The following TPH2 variants were observed in gnomAD, a reference collection of about 807,000 sequenced individuals.
TPH2 encodes the protein tryptophan 5-hydroxylase 2.
Under a neutral mutation model 59.1 loss-of-function variants are expected in TPH2, and 27 were observed. The observed-to-expected ratio is 0.46, with a 90% CI of 0.34 to 0.63. The LOEUF is 0.63. Ranked by LOEUF, TPH2 falls within the 30% of genes least tolerant of loss-of-function variation. The pLI is 0.01. For missense variants in TPH2, 523 were observed against 588.3 expected (o/e 0.89, Z 1.15); for synonymous variants, 220 against 210.5 (o/e 1.05, Z -0.39).
At chr12:71,970,498 C>G (rs1050092272) in intron 5 of TPH2, among the ~76,000 whole-genome samples, 1 of 152,202 alleles carries the variant, frequency 6.6e-6, no homozygotes, top group Non-Finnish European at 1.5e-5. Flanking sequence ...AAAATTTTGA[C>G]CTAACGATTC....
At chr12:72,022,987 TG>T (rs1405782338) in intron 9 of TPH2, among the ~76,000 whole-genome samples, 1 of 152,252 alleles carries the variant, frequency 6.6e-6, no homozygotes, top group Middle Eastern at 3.2e-3. Context: ...ATAAACAATT[TG>T]GAAAAACAAA....
intron 8 of TPH2, among the ~76,000 whole-genome samples, chr12:72,000,094 A>G (rs1872784487): frequency 6.6e-6 from 1 of 152,300 alleles, no homozygotes; most frequent in East Asian, 1.9e-4. Flanking sequence ...TTTATTTAAA[A>G]CCCATTAATG....
chr12:71,989,813 A>G (rs1475617751), intron 7 of TPH2, among the ~76,000 whole-genome samples: 1 of 152,230 alleles, frequency 6.6e-6, no homozygotes, highest in Non-Finnish European at 1.5e-5. Context: ...GACTGAGTTA[A>G]GAATTTCCCA....
chr12:71,989,599 A>T (rs1872531423), intron 7 of TPH2, among the ~76,000 whole-genome samples: 1 of 152,232 alleles, frequency 6.6e-6, no homozygotes, highest in African/African-American at 2.4e-5. Context: ...CAGATTTTGG[A>T]TGGGAAGCAA....
Position 71,999,289 on chromosome 12 carries a change from G to T in TPH2, c.1068+4724G>T, listed in dbSNP as rs76346097. 5.1e-3 allele frequency among the ~76,000 whole-genome samples: 780 copies of T among 152,310 alleles called. 4 individuals are homozygous for T. The highest frequency in any genetic ancestry group is 8.7e-3 in the Non-Finnish European group (593 of 68,014). Reference sequence around the variant, plus strand: ...ATGTGGGCAATGGTTTCTATGCCCTGAGAACCATTTAAATGAACTCTTTTG... The same window carrying T: ...ATGTGGGCAATGGTTTCTATGCCCTTAGAACCATTTAAATGAACTCTTTTG... On this transcript the variant is annotated intron_variant, in intron 8 of 10. Coordinates refer to ENST00000333850, the MANE Select transcript of TPH2 (RefSeq NM_173353.4).
intron 1 of TPH2, 43 bp downstream of exon 1, chr12:71,939,134 G>A (rs1372740557): frequency 6.8e-7 from 1 of 1,469,056 alleles, no homozygotes; most frequent in Admixed American, 1.7e-5. Context: ...TATTTTTTAG[G>A]GTGTGACCAT....
chr12:71,982,892 G>A (rs1239682803), intron 7 of TPH2, among the ~76,000 whole-genome samples: 1 of 152,176 alleles, frequency 6.6e-6, no homozygotes, highest in African/African-American at 2.4e-5. Context: ...AATGTATTTT[G>A]CCATCAGAGC....
intron 4 of TPH2, among the ~76,000 whole-genome samples, chr12:71,948,390 C>A (rs1871254160): frequency 6.6e-6 from 1 of 152,120 alleles, no homozygotes; most frequent in Non-Finnish European, 1.5e-5. Context: ...TCTCTCTCCT[C>A]CCCTTAGTAA....
chr12:71,946,320 A>G (rs1435144492), intron 4 of TPH2, among the ~76,000 whole-genome samples: 1 of 152,198 alleles, frequency 6.6e-6, no homozygotes, highest in Non-Finnish European at 1.5e-5. Context: ...CCTATTTCCA[A>G]ATGCTCCCCT....
intron 5 of TPH2, among the ~76,000 whole-genome samples, chr12:71,971,938 G>T (rs758453673): frequency 6.6e-6 from 1 of 152,138 alleles, no homozygotes; most frequent in East Asian, 1.9e-4. Context: ...GGGGCTTAAT[G>T]TGTGTATCTT....
intron 8 of TPH2, among the ~76,000 whole-genome samples, chr12:72,021,233 C>G (rs1274400757): frequency 2.0e-5 from 3 of 151,162 alleles, no homozygotes; most frequent in Non-Finnish European, 2.9e-5. Flanking sequence ...TTTTTTTCTT[C>G]TCGTTGTGCA....
In TPH2 at chr12:71,944,292, A is replaced by G. The variant is rs1416979817; in HGVS notation, c.256-2A>G. The G allele has an allele frequency of 1.2e-6, 2 of 1,613,706 alleles. No individual in the cohort carries two copies. The highest frequency in any genetic ancestry group is 1.7e-6 in the Non-Finnish European group (2 of 1,179,692). On this transcript the variant is annotated splice_acceptor_variant, in intron 2 of 10. Coordinates refer to ENST00000333850, the MANE Select transcript of TPH2 (RefSeq NM_173353.4). LOFTEE classifies it high-confidence loss of function. Reference sequence around the variant, plus strand: ...GATTTTCAGATGCTCGTGTTTCCACAGGAAAAACGTGTCAACATGGTTCAT... The same window carrying G: ...GATTTTCAGATGCTCGTGTTTCCACGGGAAAAACGTGTCAACATGGTTCAT...
intron 8 of TPH2, among the ~76,000 whole-genome samples, chr12:72,001,117 CA>C (rs1872811229): frequency 6.6e-6 from 1 of 152,160 alleles, no homozygotes; most frequent in Admixed American, 6.5e-5. Context: ...CAGATGTTTC[CA>C]AAGCAGAATA....
rs572756864 is a variant in TPH2, at chr12:71,994,248, A to C, written c.942-191A>C. On this transcript the variant is annotated intron_variant, in intron 7 of 10. Coordinates refer to ENST00000333850, the MANE Select transcript of TPH2 (RefSeq NM_173353.4). ...TAAAACATGGTATATCATATGTTTT[A>C]AGTGCTGTTGATTATGAGATGCAGT... Among the ~76,000 whole-genome samples, 3 of 152,344 alleles carry C rather than the reference A, an allele frequency of 2.0e-5. No individual in the cohort carries two copies. The South Asian group carries it at 6.2e-4, about 32-fold the overall frequency.
At chr12:71,975,288 T>A (rs975190102) in intron 6 of TPH2, among the ~76,000 whole-genome samples, 1 of 152,122 alleles carries the variant, frequency 6.6e-6, no homozygotes, top group African/African-American at 2.4e-5. Context: ...GAAGATGTAG[T>A]GAGCTGAGAT....
intron 8 of TPH2, among the ~76,000 whole-genome samples, chr12:72,017,309 G>A (rs894821652): frequency 6.6e-6 from 1 of 152,098 alleles, no homozygotes; most frequent in Non-Finnish European, 1.5e-5. Context: ...ACTGCAGCTC[G>A]GGTCGACAGC....
Position 71,941,584 on chromosome 12 carries a change from C to G in TPH2, c.106C>G (p.Leu36Val), listed in dbSNP as rs34115267. The G allele has an allele frequency of 8.1e-4, 1,306 of 1,613,698 alleles. 11 individuals are homozygous for G. The African/African-American group carries it at 0.015, about 19-fold the overall frequency. ...EEHQLLGSST[L>V]NKPNSGKNDD... ...TTATTATGCTTCGACATTCCTGAAG[C>G]TAAATAAACCTAACTCTGGCAAAAA... Residue 36 changes from leucine to valine, a missense_variant and splice_region_variant, in exon 2 of 11, where the codon CTA becomes GTA. By Grantham distance (32) the Leu-to-Val change is conservative. Coordinates refer to ENST00000333850, the MANE Select transcript of TPH2 (RefSeq NM_173353.4).
chr12:72,018,110 A>G (rs1227049672), intron 8 of TPH2, among the ~76,000 whole-genome samples: 1 of 152,230 alleles, frequency 6.6e-6, no homozygotes, highest in Non-Finnish European at 1.5e-5. Flanking sequence ...AATTCTCTAA[A>G]CAGAATGGGC....
At chr12:71,982,036 CAG>C (rs1193284443) in intron 7 of TPH2, among the ~76,000 whole-genome samples, 1 of 31,188 alleles carries the variant, frequency 3.2e-5, no homozygotes, top group African/African-American at 1.1e-4. Flanking sequence ...TTTTTTTAGA[CAG>C]AGTCTCACTC....
Sources: allele counts gnomAD v4.1 joint callset (sites outside exome capture counted in the v4.1 genomes callset), GRCh38; gene constraint gnomAD v4.1.1; transcripts MANE v1.5; gene names NCBI Gene and HGNC (gene_info 2026-07-23, HGNC 2026-07-21).